ADORA2B: variants seen among roughly 807,000 people sequenced by gnomAD.
ADORA2B encodes adenosine A2b receptor.
A neutral mutation model predicts 20.8 loss-of-function variants in ADORA2B; 18 were observed. That is an observed-to-expected ratio of 0.87 (90% confidence interval 0.60 to 1.29). The LOEUF is 1.29. ADORA2B is among the 50% of genes most tolerant of loss of function. ADORA2B has a pLI of 0.00. For missense variants in ADORA2B, 441 were observed against 422.7 expected (o/e 1.04, Z -0.38); for synonymous variants, 179 against 178.3 (o/e 1.00, Z -0.03).
Position 15,967,738 on chromosome 17 carries a change from G to A in ADORA2B, c.336-6941G>A, listed in dbSNP as rs116206685. Among the ~76,000 whole-genome samples, 525 of 152,312 alleles carry A rather than the reference G, an allele frequency of 3.4e-3. 6 individuals carry two copies. The highest frequency in any genetic ancestry group is 0.012 in the African/African-American group (483 of 41,564). ...GGTGAGGTGTGAGAAAGAGCGAGGC[G>A]TTTCCATGCCCTCCTTGGGTGCACC... On this transcript the variant is annotated intron_variant, in intron 1 of 1. Transcript: ENST00000304222.
the ADORA2B span, among the ~76,000 whole-genome samples, chr17:15,904,499 T>A: frequency 6.6e-6 from 1 of 150,530 alleles, no homozygotes; most frequent in Non-Finnish European, 1.5e-5. Flanking sequence ...GCCATTCTCC[T>A]GCCTCAGCCT....
upstream of ADORA2B, among the ~76,000 whole-genome samples, chr17:15,942,671 C>T (rs552479038): frequency 2.6e-5 from 4 of 152,258 alleles, no homozygotes; most frequent in South Asian, 2.1e-4. Flanking sequence ...AGCCAGACAC[C>T]GTTCGCCTCC....
rs575355086 is a variant in ADORA2B, at chr17:15,974,449, A to G, written c.336-230A>G. 34 of 486,088 alleles carry G rather than the reference A, an allele frequency of 7.0e-5. 1 individual carries two copies. The Admixed American group carries it at 1.1e-3, about 15-fold the overall frequency. 30.1% of individuals were successfully genotyped at this position (486,088 alleles called of 1,614,324 possible). ...TTGTCATTGGCCATCCTGTGTCACT[A>G]AACAGAAAGGAGTTGCTAAGTCAAG... On this transcript the variant is annotated intron_variant, in intron 1 of 1. Transcript: ENST00000304222.
the ADORA2B span, among the ~76,000 whole-genome samples, chr17:15,886,287 G>A: frequency 4.5e-5 from 4 of 88,872 alleles, no homozygotes; most frequent in Non-Finnish European, 9.4e-5. Context: ...CCTGCCTCCC[G>A]TACACCCCAA....
chr17:15,918,588 C>T, the ADORA2B span, among the ~76,000 whole-genome samples: 1 of 152,226 alleles, frequency 6.6e-6, no homozygotes, highest in Admixed American at 6.5e-5. Flanking sequence ...TCTCCTGCCT[C>T]AGCCTGTCGA....
chr17:15,945,061 T>C, upstream of ADORA2B: 1 of 386,818 alleles, frequency 2.6e-6, no homozygotes. Flanking sequence ...GGCCAATGGG[T>C]GCCGCCTCTT....
At chr17:15,874,252 T>C in the ADORA2B span, among the ~76,000 whole-genome samples, 3 of 151,852 alleles carry the variant, frequency 2.0e-5, no homozygotes, top group Non-Finnish European at 2.9e-5. Context: ...TTCTCACTCA[T>C]GAGTGGGAGC....
chr17:15,894,981 C>T, the ADORA2B span, among the ~76,000 whole-genome samples: 3 of 152,030 alleles, frequency 2.0e-5, no homozygotes, highest in African/African-American at 4.8e-5. Flanking sequence ...TAGAAGCTAG[C>T]GACTCCAAAA....
intron 1 of ADORA2B, among the ~76,000 whole-genome samples, chr17:15,971,019 A>G (rs1970183628): frequency 1.3e-5 from 2 of 152,222 alleles, no homozygotes; most frequent in Admixed American, 1.3e-4. Flanking sequence ...CTCACTGGCC[A>G]GAACCACTTC....
chr17:15,954,376 T>A (rs1969941713), intron 1 of ADORA2B, among the ~76,000 whole-genome samples: 1 of 152,170 alleles, frequency 6.6e-6, no homozygotes, highest in South Asian at 2.1e-4. Flanking sequence ...AATTAGAAAG[T>A]TAAAGTAGGA....
At chr17:15,933,594 T>G in the ADORA2B span, among the ~76,000 whole-genome samples, 1 of 150,832 alleles carries the variant, frequency 6.6e-6, no homozygotes, top group South Asian at 2.1e-4. Flanking sequence ...TTAAGATTAT[T>G]CATTGCTATT....
chr17:15,939,891 A>G, the ADORA2B span, among the ~76,000 whole-genome samples: 1 of 150,208 alleles, frequency 6.7e-6, no homozygotes, highest in Admixed American at 6.6e-5. Flanking sequence ...AAGAAGTTAC[A>G]TTTTCTCTGA....
At chr17:15,885,713 C>CAA in the ADORA2B span, among the ~76,000 whole-genome samples, 395 of 128,560 alleles carry the variant, frequency 3.1e-3, 1 homozygote, top group African/African-American at 7.7e-3. Flanking sequence ...GACTCCGTAT[C>CAA]AAAAAAAAAA....
chr17:15,951,812 G>A (rs967453554), intron 1 of ADORA2B, among the ~76,000 whole-genome samples: 7 of 152,226 alleles, frequency 4.6e-5, no homozygotes, highest in South Asian at 2.1e-4. Context: ...CTTGGTGTGC[G>A]TGGGGGTGCT....
the ADORA2B span, among the ~76,000 whole-genome samples, chr17:15,933,646 G>T: frequency 1.3e-5 from 2 of 152,090 alleles, no homozygotes; most frequent in Non-Finnish European, 1.5e-5. Context: ...CCAAGATACT[G>T]ATCTTGTATT....
At chr17:15,899,381 G>T in the ADORA2B span, among the ~76,000 whole-genome samples, 1 of 152,130 alleles carries the variant, frequency 6.6e-6, no homozygotes, top group Admixed American at 6.5e-5. Flanking sequence ...ATATATTCAA[G>T]TAAATAGCAG....
At chr17:15,905,042 ACT>A in the ADORA2B span, among the ~76,000 whole-genome samples, 1 of 151,414 alleles carries the variant, frequency 6.6e-6, no homozygotes, top group South Asian at 2.1e-4. Flanking sequence ...TTAATTTTAG[ACT>A]CTGTCATTAT....
the ADORA2B span, among the ~76,000 whole-genome samples, chr17:15,884,029 C>A: frequency 6.6e-6 from 1 of 152,350 alleles, no homozygotes; most frequent in East Asian, 1.9e-4. Flanking sequence ...ACCAAAGCAT[C>A]AAGAGGCTCC....
chr17:15,863,392 A>C, the ADORA2B span, among the ~76,000 whole-genome samples: 6 of 151,956 alleles, frequency 3.9e-5, no homozygotes, highest in African/African-American at 9.7e-5. Flanking sequence ...GTTGCCCAGG[A>C]TGGAGTGCAG....
Sources: gnomAD v4.1 joint callset for allele counts (sites outside exome capture counted in the v4.1 genomes callset) on GRCh38, gnomAD v4.1.1 for gene constraint, MANE v1.5 for transcripts, NCBI Gene and HGNC (gene_info 2026-07-23, HGNC 2026-07-21) for gene names.